The following FBN3 variants were observed in gnomAD, a reference collection of about 807,000 sequenced individuals.
The protein encoded by FBN3 is fibrillin-3.
Under a neutral mutation model 330.1 loss-of-function variants are expected in FBN3, and 234 were observed. That is an observed-to-expected ratio of 0.71 (90% CI 0.64 to 0.79). FBN3 has a LOEUF of 0.79. Ranked by LOEUF, FBN3 falls within the 30% of genes least tolerant of loss-of-function variation. The pLI, the probability that FBN3 is intolerant of heterozygous loss-of-function variation, is 0.00. For missense variants in FBN3, 3,606 were observed against 3,886.9 expected (o/e 0.93, Z 1.92); for synonymous variants, 1,458 against 1,517.3 (o/e 0.96, Z 0.91).
At position 8,121,307 on chromosome 19, in the gene FBN3, C is replaced by T. The variant is rs138827355; in HGVS notation, c.3162G>A (p.Glu1054=). 1.6e-3 allele frequency: 2,614 copies of T among 1,613,376 alleles called. 6 individuals carry two copies. Among genetic ancestry groups the T allele is most frequent in the Non-Finnish European group, 2.1e-3 (2,439 of 1,179,588 alleles). Residue 1054 remains glutamate, a synonymous_variant, in exon 25 of 64, where the codon GAG becomes GAA. Coordinates refer to ENST00000600128, the MANE Select transcript of FBN3 (RefSeq NM_032447.5). The surrounding 1 kb of genome is among the most constrained non-coding windows in gnomAD (Gnocchi z 4.5). The part of the protein sequence containing the change: ...CVNTPGSFEC[E]CFPGYESGFM... The stretch of plus-strand genomic sequence containing the variant: ...AGCCACTCTCGTAGCCGGGAAAACA[C>T]TCGCACTCAAAGCTGCCCGGCGTGT...
At chr19:8,103,109 A>G (rs1391726168) in intron 39 of FBN3, among the ~76,000 whole-genome samples, 1 of 151,228 alleles carries the variant, frequency 6.6e-6, no homozygotes, top group African/African-American at 2.4e-5. Flanking sequence ...TCTACTAAAA[A>G]TACAAAAATT....
chr19:8,091,870 T>G (rs573421594), intron 47 of FBN3, among the ~76,000 whole-genome samples: 1 of 152,274 alleles, frequency 6.6e-6, no homozygotes, highest in East Asian at 1.9e-4. Flanking sequence ...TGGAAAACAG[T>G]GTGGCGATTC....
chr19:8,096,936 G>C lies in FBN3; in HGVS notation c.5358C>G (p.Ser1786Arg). ...QNADCINIPG[S>R]YRCKCTRGYK... ...ACCCTCGGGTGCACTTGCAGCGGTA[G>C]CTACCGGGGATGTTGATGCAGTCAG... Residue 1786 changes from serine (S) to arginine (R), a missense_variant, in exon 43 of 64, where the codon AGC (serine) becomes AGG (arginine). By Grantham distance (110) the Ser-to-Arg change is moderately radical (BLOSUM62 -1). Transcript: ENST00000600128. This position sits in a 1 kb window ranked among gnomAD's most constrained non-coding sequence, Gnocchi z 4.6. 6.2e-7 allele frequency: 1 copy of C among 1,613,818 alleles called. No homozygotes were observed.
At chr19:8,092,838 A>G (rs987425516) in intron 47 of FBN3, among the ~76,000 whole-genome samples, 70 of 152,160 alleles carry the variant, frequency 4.6e-4, no homozygotes, top group African/African-American at 1.7e-3. Context: ...GTTCTCACTT[A>G]TAAGTGGGAG....
chr19:8,132,490 A>T (rs1199086638), intron 14 of FBN3, among the ~76,000 whole-genome samples: 1 of 150,210 alleles, frequency 6.7e-6, no homozygotes, highest in African/African-American at 2.5e-5. Flanking sequence ...CTTATAATGC[A>T]TCACTTTTTT....
chr19:8,104,242 C>G (rs1409241677), intron 38 of FBN3, among the ~76,000 whole-genome samples: 1 of 148,974 alleles, frequency 6.7e-6, no homozygotes, highest in Admixed American at 6.7e-5. Context: ...GAGGCCAAGG[C>G]AGGAGGATCA....
intron 62 of FBN3, among the ~76,000 whole-genome samples, chr19:8,072,612 G>A (rs982965540): frequency 1.3e-5 from 2 of 151,986 alleles, no homozygotes; most frequent in African/African-American, 4.8e-5. Flanking sequence ...CTCACAGATG[G>A]CTGACGCGTG....
intron 26 of FBN3, 64 bp from the exon 27 acceptor site, chr19:8,117,653 C>G: frequency 1.4e-6 from 2 of 1,480,840 alleles, no homozygotes; most frequent in Non-Finnish European, 1.8e-6. Flanking sequence ...GACCATGAGA[C>G]ACACTGGGGG....
intron 5 of FBN3, among the ~76,000 whole-genome samples, chr19:8,145,236 T>C (rs886987834): frequency 1.3e-5 from 2 of 151,846 alleles, no homozygotes; most frequent in Non-Finnish European, 2.9e-5. Context: ...TAGCCAGGCA[T>C]GGTGGCCGGC....
Position 8,117,239 on chromosome 19 carries a change from G to A in FBN3, c.3516C>T (p.Asn1172=). Residue 1172 remains asparagine, a synonymous_variant, in exon 28 of 64, where the codon AAC becomes AAT. Coordinates refer to ENST00000600128, the MANE Select transcript of FBN3 (RefSeq NM_032447.5). ...QNGGCDVHCI[N]TEGSYRCSCG... ...AGCTGCACCGGTAGCTGCCCTCAGT[G>A]TTAATACAGTGCACGTCACACCCAC... The A allele has an allele frequency of 6.3e-7, 1 of 1,588,964 alleles. No homozygotes were observed. The highest frequency in any genetic ancestry group is 8.6e-7 in the Non-Finnish European group (1 of 1,164,928).
At position 8,125,912 on chromosome 19, in the gene FBN3, G is replaced by A. The variant is rs762463773; in HGVS notation, c.2711C>T (p.Ala904Val). ...CECPEGLMLDASGRLCVDVRL... is the reference protein window; with the variant it reads ...CECPEGLMLDVSGRLCVDVRL... ...CTCACCCACGCACAGCCGGCCTGAG[G>A]CGTCCAGCATCAGGCCCTCTGGACA... Residue 904 changes from alanine (A) to valine (V), a missense_variant, in exon 22 of 64, where the codon GCC becomes GTC. Ala to Val is a moderately conservative substitution (Grantham distance 64, BLOSUM62 0). Coordinates refer to ENST00000600128, the MANE Select transcript of FBN3 (RefSeq NM_032447.5). The A allele has an allele frequency of 9.9e-6, 16 of 1,613,102 alleles. No individual in the cohort carries two copies. Among genetic ancestry groups the A allele is most frequent in the South Asian group, 2.2e-5 (2 of 91,018 alleles).
chr19:8,141,194 CA>C (rs56060033), intron 8 of FBN3, among the ~76,000 whole-genome samples: 16,805 of 54,100 alleles, frequency 0.31, 1,170 homozygotes, highest in Non-Finnish European at 0.36. Context: ...GACTCCGTCT[CA>C]AAAAAAAAAA....
chr19:8,077,831 C>A (rs112715018), intron 59 of FBN3, among the ~76,000 whole-genome samples: 1 of 152,160 alleles, frequency 6.6e-6, no homozygotes, highest in Non-Finnish European at 1.5e-5. Context: ...AATCCCAGCA[C>A]TTTGGAAGGC....
rs1418614201 is a variant in FBN3, at chr19:8,095,521, G to T, written c.5657-18C>A. 6.2e-7 allele frequency: 1 copy of T among 1,609,558 alleles called. No individual in the cohort carries two copies. The highest frequency in any genetic ancestry group is 8.5e-7 in the Non-Finnish European group (1 of 1,177,674). On this transcript the variant is annotated intron_variant, in intron 45 of 63. Coordinates refer to ENST00000600128, the MANE Select transcript of FBN3 (RefSeq NM_032447.5). Reference sequence around the variant, plus strand: ...ATCAAAATCTGTAGAGGGGAGATGGGCAGGCCAGTTCACCCACAAAACTTG... The same window carrying T: ...ATCAAAATCTGTAGAGGGGAGATGGTCAGGCCAGTTCACCCACAAAACTTG...
intron 56 of FBN3, among the ~76,000 whole-genome samples, chr19:8,083,574 C>T (rs2081858835): frequency 6.6e-6 from 1 of 152,044 alleles, no homozygotes; most frequent in African/African-American, 2.4e-5. Context: ...GCCCATGAAG[C>T]TTCCAGGGAA....
chr19:8,125,158 C>G (rs2082947671), intron 22 of FBN3, among the ~76,000 whole-genome samples: 1 of 152,152 alleles, frequency 6.6e-6, no homozygotes, highest in East Asian at 1.9e-4. Context: ...CTCCGGGATG[C>G]TGAGGTAGGG....
intron 53 of FBN3, among the ~76,000 whole-genome samples, chr19:8,087,501 A>T (rs895254387): frequency 6.6e-6 from 1 of 151,538 alleles, no homozygotes; most frequent in East Asian, 1.9e-4. Flanking sequence ...CCCCAGAGAC[A>T]CTGAGTCCCA....
In FBN3 at chr19:8,073,016, G is replaced by T; in HGVS notation, c.7937+47C>A. The T allele has an allele frequency of 8.2e-6, 9 of 1,100,078 alleles. 1 individual carries two copies. The highest frequency in any genetic ancestry group is 1.4e-5 in the South Asian group (1 of 73,134). 68.1% of individuals were successfully genotyped at this position (1,100,078 alleles called of 1,614,324 possible). On this transcript the variant is annotated intron_variant, in intron 62 of 63. Transcript: ENST00000600128. ...GTGTGTGTGTGTGCGTGCGTGCATG[G>T]ACGCTTGCGGGGCATGGAGTCTGCT...
Position 8,083,310 on chromosome 19 carries a change from C to A in FBN3, c.7150G>T (p.Gly2384Cys). 1 of 1,614,156 alleles carries A rather than the reference C, an allele frequency of 6.2e-7. No individual in the cohort carries two copies. Among genetic ancestry groups the A allele is most frequent in the Non-Finnish European group, 8.5e-7 (1 of 1,180,022 alleles). The change falls in exon 57 of 64, where the codon GGC (glycine) becomes TGC (cysteine). Residue 2384 changes from glycine (G) to cysteine (C), a missense_variant. By Grantham distance (159) the Gly-to-Cys change is radical (BLOSUM62 -3). Coordinates refer to ENST00000600128, the MANE Select transcript of FBN3 (RefSeq NM_032447.5). Reference protein sequence around the residue: ...CAHGECINSLGSFRCHCQAGY... With the variant: ...CAHGECINSLCSFRCHCQAGY... ...GCCTGACAGTGGCAGCGGAAGGAGC[C>A]AAGGCTGTTGATGCACTCCCCATGA...
Sources: allele counts gnomAD v4.1 joint callset (sites outside exome capture counted in the v4.1 genomes callset), GRCh38; gene constraint gnomAD v4.1.1; non-coding constraint Gnocchi (gnomAD v3.1); transcripts MANE v1.5; gene names NCBI Gene and HGNC (gene_info 2026-07-23, HGNC 2026-07-21).